CDH23: variants seen among roughly 807,000 people sequenced by gnomAD.
CDH23 encodes cadherin related 23, also known as cadherin-23.
A neutral mutation model predicts 317.1 loss-of-function variants in CDH23; 189 were observed. That is an observed-to-expected ratio of 0.60 (90% CI 0.53 to 0.67). The LOEUF (loss-of-function observed/expected upper bound fraction) is 0.67, where lower values mean the gene tolerates loss of function less well. Ranked by LOEUF, CDH23 falls within the 30% of genes least tolerant of loss-of-function variation. The pLI, the probability that CDH23 is intolerant of heterozygous loss-of-function variation, is 0.00. For synonymous variants in CDH23, 1,839 were observed against 1,876.8 expected (o/e 0.98, Z 0.52); for missense variants, 4,401 against 4,592.4 (o/e 0.96, Z 1.20).
chr10:71,800,038 G>T (rs1841514459), intron 52 of CDH23, among the ~76,000 whole-genome samples: 1 of 152,252 alleles, frequency 6.6e-6, no homozygotes, highest in African/African-American at 2.4e-5. Flanking sequence ...TCAGTGCTGG[G>T]GAAGGGAGGA....
At chr10:71,456,235 G>GA (rs1850687888) in intron 3 of CDH23, among the ~76,000 whole-genome samples, 1 of 150,928 alleles carries the variant, frequency 6.6e-6, no homozygotes. Flanking sequence ...ATCGGTGCTG[G>GA]AACCAAGGGA....
intron 10 of CDH23, among the ~76,000 whole-genome samples, chr10:71,616,498 T>C (rs1325878853): frequency 6.6e-6 from 1 of 152,266 alleles, no homozygotes; most frequent in African/African-American, 2.4e-5. Context: ...AGCTGCCCCC[T>C]GGTCCCAGCA....
At chr10:71,805,675 G>C in intron 55 of CDH23, 131 bp from the exon 56 acceptor site, 1 of 875,476 alleles carries the variant, frequency 1.1e-6, no homozygotes. Flanking sequence ...GCAGGCAGGC[G>C]CTCCTGGCGG....
intron 3 of CDH23, among the ~76,000 whole-genome samples, chr10:71,478,961 G>A (rs1651009754): frequency 6.6e-6 from 1 of 152,196 alleles, no homozygotes; most frequent in Admixed American, 6.5e-5. Context: ...CTGTTCATGG[G>A]TCACATGGAG....
Position 71,755,408 on chromosome 10 carries a change from G to C in CDH23, c.4845+13487G>C, listed in dbSNP as rs532573229. 7 of 1,613,580 alleles carry C rather than the reference G, an allele frequency of 4.3e-6. No homozygotes were observed. In the East Asian group the frequency reaches 6.7e-5, roughly 15 times the overall value. ...GCTTGTAGACCAGGAGCAGGATGAGGGGGAGGCAGAGGATTCCTACGATGC... is the reference window on the plus strand; with the variant it reads ...GCTTGTAGACCAGGAGCAGGATGAGCGGGAGGCAGAGGATTCCTACGATGC... On this transcript the variant is annotated intron_variant, in intron 38 of 69. Transcript: ENST00000224721.
chr10:71,446,418 G>A (rs375882842), intron 3 of CDH23, 23 bp downstream of exon 3: 76 of 1,611,882 alleles, frequency 4.7e-5, no homozygotes, highest in Non-Finnish European at 6.5e-5. Context: ...ATGGGCTGGT[G>A]GGCGTGCAGA....
Position 71,724,032 on chromosome 10 carries a change from C to T in CDH23, c.3370-13C>T. 1 of 1,555,356 alleles carries T rather than the reference C, an allele frequency of 6.4e-7. No homozygotes were observed. The highest frequency in any genetic ancestry group is 8.7e-7 in the Non-Finnish European group (1 of 1,148,936). Reference sequence around the variant, plus strand: ...GGCATTCAAGAAGTAACTCGTGTCTCATTCTTCCTCAGCTGAAAGCCACGG... The same window carrying T: ...GGCATTCAAGAAGTAACTCGTGTCTTATTCTTCCTCAGCTGAAAGCCACGG... On this transcript the variant is annotated splice_polypyrimidine_tract_variant and intron_variant, in intron 28 of 69. Coordinates refer to ENST00000224721, the MANE Select transcript of CDH23 (RefSeq NM_022124.6).
intron 19 of CDH23, among the ~76,000 whole-genome samples, chr10:71,688,321 C>G (rs1408202302): frequency 6.6e-6 from 1 of 152,264 alleles, no homozygotes; most frequent in Non-Finnish European, 1.5e-5. Context: ...ATATCAGGAA[C>G]TGCTGCAGTG....
At chr10:71,609,464 C>T (rs966834679) in intron 9 of CDH23, among the ~76,000 whole-genome samples, 3 of 152,232 alleles carry the variant, frequency 2.0e-5, no homozygotes, top group Non-Finnish European at 2.9e-5. Flanking sequence ...CCTGCCCCAC[C>T]GTCCCTCAGT....
Position 71,608,032 on chromosome 10 carries a change from C to A in CDH23, c.833-7472C>A, listed in dbSNP as rs917251863. Among the ~76,000 whole-genome samples, 5 of 152,342 alleles carry A rather than the reference C, an allele frequency of 3.3e-5. No individual in the cohort carries two copies. In the East Asian group the frequency reaches 5.8e-4, roughly 18 times the overall value. The stretch of plus-strand genomic sequence containing the variant: ...ATGATCACTCCTGATGCTCACACAG[C>A]CTGGTGAGGTAGGAGTTGTTATCCA... On this transcript the variant is annotated intron_variant, in intron 9 of 69. Coordinates refer to ENST00000224721, the MANE Select transcript of CDH23 (RefSeq NM_022124.6).
At chr10:71,583,888 C>A (rs1858836675) in intron 9 of CDH23, among the ~76,000 whole-genome samples, 1 of 152,166 alleles carries the variant, frequency 6.6e-6, no homozygotes, top group Non-Finnish European at 1.5e-5. Flanking sequence ...AGATTTGAAC[C>A]CAAGTCCCTC....
chr10:71,564,796 T>C (rs1224514571), intron 6 of CDH23, among the ~76,000 whole-genome samples: 3 of 152,234 alleles, frequency 2.0e-5, no homozygotes, highest in African/African-American at 7.2e-5. Flanking sequence ...TTGGTAGAAT[T>C]CACCAGTGAA....
chr10:71,686,087 A>G (rs940555326), intron 18 of CDH23, among the ~76,000 whole-genome samples: 4 of 152,046 alleles, frequency 2.6e-5, no homozygotes, highest in Non-Finnish European at 5.9e-5. Flanking sequence ...AAAGAAGTCA[A>G]ACTCGGTTTG....
At chr10:71,436,429 C>T (rs993425742) in intron 1 of CDH23, among the ~76,000 whole-genome samples, 1 of 152,174 alleles carries the variant, frequency 6.6e-6, no homozygotes, top group African/African-American at 2.4e-5. Context: ...TTGTGTGATG[C>T]ATATTGTGCT....
At chr10:71,511,412 G>A (rs1471841069) in intron 6 of CDH23, among the ~76,000 whole-genome samples, 200 bp downstream of exon 6, 2 of 152,192 alleles carry the variant, frequency 1.3e-5, no homozygotes, top group Non-Finnish European at 2.9e-5. Flanking sequence ...GGGAAGAGCA[G>A]TTGGGCCGGT....
chr10:71,552,754 G>T (rs1236588404), intron 6 of CDH23, among the ~76,000 whole-genome samples: 1 of 152,090 alleles, frequency 6.6e-6, no homozygotes, highest in Admixed American at 6.5e-5. Flanking sequence ...TTTGATTCTT[G>T]TCCAGAATCA....
At chr10:71,467,613 C>A (rs1356062475) in intron 3 of CDH23, among the ~76,000 whole-genome samples, 1 of 152,178 alleles carries the variant, frequency 6.6e-6, no homozygotes, top group East Asian at 1.9e-4. Flanking sequence ...AAATCTGACT[C>A]TGCCGCCACC....
intron 28 of CDH23, chr10:71,715,966 G>A: frequency 6.7e-7 from 1 of 1,482,276 alleles, no homozygotes; most frequent in Non-Finnish European, 9.0e-7. Context: ...TGTAGTCACA[G>A]TGGCTGCGGT....
chr10:71,553,836 CT>C (rs1421824287), intron 6 of CDH23, among the ~76,000 whole-genome samples: 3 of 152,204 alleles, frequency 2.0e-5, no homozygotes, highest in Non-Finnish European at 4.4e-5. Flanking sequence ...GTGTTAGAGG[CT>C]TTTGCACACC....
Sources: gnomAD v4.1 joint callset for allele counts (sites outside exome capture counted in the v4.1 genomes callset) on GRCh38, gnomAD v4.1.1 for gene constraint, MANE v1.5 for transcripts, NCBI Gene and HGNC (gene_info 2026-07-23, HGNC 2026-07-21) for gene names.